The following MGA variants were observed in gnomAD, a reference collection of about 807,000 sequenced individuals.
MGA encodes the protein MAX dimerization protein MGA, also known as MAX gene-associated protein.
MGA carries 40 observed loss-of-function variants against 261.1 expected under a neutral mutation model. The observed-to-expected ratio is 0.15, with a 90% confidence interval of 0.12 to 0.20. MGA has a LOEUF of 0.20. MGA is among the 10% of genes least tolerant of loss of function. The pLI, the probability that MGA is intolerant of heterozygous loss-of-function variation, is 1.00. For missense variants in MGA, 3,397 were observed against 3,630.5 expected, an observed-to-expected ratio of 0.94 and a Z score of 1.65; for synonymous variants, 1,302 against 1,290.6, an observed-to-expected ratio of 1.01 and a Z score of -0.19.
chr15:41,762,374 A>G lies in MGA; in HGVS notation c.7744+12A>G, dbSNP rs1216275629. The G allele has an allele frequency of 6.2e-7, 1 of 1,601,182 alleles. No individual in the cohort carries two copies. Among genetic ancestry groups the G allele is most frequent in the East Asian group, 2.2e-5 (1 of 44,620 alleles). Reference sequence around the variant, plus strand: ...AGACCAGGCCACAGGTAGGAGGGACATTCTTCGCTTTCCTTAATGTAGATA... The same window carrying G: ...AGACCAGGCCACAGGTAGGAGGGACGTTCTTCGCTTTCCTTAATGTAGATA... On this transcript the variant is annotated intron_variant, in intron 22 of 23. Coordinates refer to ENST00000219905, the MANE Select transcript of MGA (RefSeq NM_001164273.2).
intron 12 of MGA, 72 bp from the exon 13 acceptor site, chr15:41,736,109 A>G: frequency 7.9e-7 from 1 of 1,265,180 alleles, no homozygotes; most frequent in South Asian, 1.7e-5. Flanking sequence ...TTTTTTTCAG[A>G]GTTTCATACA....
chr15:41,731,807 A>G (rs1216802332), intron 11 of MGA, among the ~76,000 whole-genome samples: 1 of 152,244 alleles, frequency 6.6e-6, no homozygotes, highest in Non-Finnish European at 1.5e-5. Flanking sequence ...GGGATTAGGC[A>G]TCTCTTAAAC....
At chr15:41,737,789 G>A (rs2061868427) in intron 13 of MGA, among the ~76,000 whole-genome samples, 1 of 151,734 alleles carries the variant, frequency 6.6e-6, no homozygotes, top group Non-Finnish European at 1.5e-5. Flanking sequence ...AGACTAGCCT[G>A]GCCGACATGG....
At chr15:41,665,834 T>C (rs1195945010) in intron 1 of MGA, among the ~76,000 whole-genome samples, 9 of 152,238 alleles carry the variant, frequency 5.9e-5, no homozygotes, top group Admixed American at 5.2e-4. Flanking sequence ...TTGCCTGTGT[T>C]GGACATCTCA....
chr15:41,736,601 G>A lies in MGA; in HGVS notation c.4337G>A (p.Gly1446Glu). The change falls in exon 13 of 24, where the codon GGA becomes GAA. Residue 1446 changes from glycine (G) to glutamate (E), a missense_variant. By Grantham distance (98) the Gly-to-Glu change is moderately conservative. Around this residue, in one of 9 missense-constraint regions of MGA, gnomAD observed 1,410 missense variants for 1,386.4 expected, o/e 1.02. Coordinates refer to ENST00000219905, the MANE Select transcript of MGA (RefSeq NM_001164273.2). Reference sequence around the variant, plus strand: ...GATTCAGTGAGGGAGAGATTACATGGAGGCAAAGGTCTGCCTTTTTATGCA... The same window carrying A: ...GATTCAGTGAGGGAGAGATTACATGAAGGCAAAGGTCTGCCTTTTTATGCA... The A allele has an allele frequency of 6.2e-7, 1 of 1,614,026 alleles. No homozygotes were observed. Among genetic ancestry groups the A allele is most frequent in the Non-Finnish European group, 8.5e-7 (1 of 1,179,896 alleles).
intron 19 of MGA, among the ~76,000 whole-genome samples, chr15:41,758,816 A>T (rs1415648432): frequency 1.3e-5 from 2 of 152,182 alleles, no homozygotes; most frequent in East Asian, 1.9e-4. Flanking sequence ...TTAAGCAAAC[A>T]GTGTCAGAAA....
chr15:41,707,735 A>G lies in MGA; in HGVS notation c.2196A>G (p.Leu732=). The stretch of plus-strand genomic sequence containing the variant: ...TTTCCTTTTTTCTTTTAGTGGGCTT[A>G]AAATTGAATTCAGTGGATCCAACAA... Residue 732 remains leucine (L), a synonymous_variant, in exon 6 of 24, where the codon TTA becomes TTG. Transcript: ENST00000219905. 18 of 1,603,302 alleles carry G rather than the reference A, an allele frequency of 1.1e-5. No homozygotes were observed. Among genetic ancestry groups the G allele is most frequent in the Non-Finnish European group, 1.4e-5 (17 of 1,176,526 alleles).
chr15:41,749,248 A>G lies in MGA; in HGVS notation c.5641A>G (p.Thr1881Ala), dbSNP rs1366097931. 1.2e-6 allele frequency: 2 copies of G among 1,613,852 alleles called. No homozygotes were observed. Among genetic ancestry groups the G allele is most frequent in the African/African-American group, 1.3e-5 (1 of 74,988 alleles). ...GTCTTCTTCAGCAGTGAATGTTATC[A>G]CTCAGGCACCATCATTGCTTTCCTC... Residue 1881 changes from threonine to alanine, a missense_variant, in exon 17 of 24, where the codon ACT becomes GCT. Thr to Ala is a moderately conservative substitution (Grantham distance 58). Around this residue, in one of 9 missense-constraint regions of MGA, gnomAD observed 1,410 missense variants for 1,386.4 expected, o/e 1.02. Transcript: ENST00000219905.
chr15:41,743,005 C>G lies in MGA; in HGVS notation c.5045C>G (p.Ser1682Cys), dbSNP rs755236338. The G allele has an allele frequency of 6.2e-7, 1 of 1,614,014 alleles. No individual in the cohort carries two copies. The highest frequency in any genetic ancestry group is 8.5e-7 in the Non-Finnish European group (1 of 1,179,892). ...GCTTTTCCTAAGTCTTTGGTAGCATCTCCTTCAACCATAACTCTTCCTGTT... is the reference window on the plus strand; with the variant it reads ...GCTTTTCCTAAGTCTTTGGTAGCATGTCCTTCAACCATAACTCTTCCTGTT... Residue 1682 changes from serine to cysteine, a missense_variant, in exon 15 of 24, where the codon TCT becomes TGT. Ser to Cys is a moderately radical substitution (Grantham distance 112, BLOSUM62 -1). Around this residue, in one of 9 missense-constraint regions of MGA, gnomAD observed 1,410 missense variants for 1,386.4 expected, o/e 1.02. Coordinates refer to ENST00000219905, the MANE Select transcript of MGA (RefSeq NM_001164273.2).
At chr15:41,730,795 A>G (rs938107613) in intron 11 of MGA, among the ~76,000 whole-genome samples, 2 of 152,236 alleles carry the variant, frequency 1.3e-5, no homozygotes, top group Non-Finnish European at 2.9e-5. Context: ...TAATATTCAA[A>G]GTAAATCCCT....
At chr15:41,671,868 GT>G (rs2058080554) in intron 2 of MGA, among the ~76,000 whole-genome samples, 1 of 152,126 alleles carries the variant, frequency 6.6e-6, no homozygotes, top group African/African-American at 2.4e-5. Context: ...GCAATGCATA[GT>G]TTTTTTGTCA....
At chr15:41,765,900 T>TA in intron 23 of MGA, 104 bp from the exon 24 acceptor site, 1 of 933,862 alleles carries the variant, frequency 1.1e-6, no homozygotes, top group Non-Finnish European at 1.6e-6. Context: ...GTGCTGAATT[T>TA]AGACTACAAA....
At chr15:41,626,557 G>A (rs1183814805) in intron 1 of MGA, among the ~76,000 whole-genome samples, 3 of 152,030 alleles carry the variant, frequency 2.0e-5, no homozygotes, top group Non-Finnish European at 4.4e-5. Context: ...TGAGTAGCTA[G>A]GATTACAGGC....
intron 13 of MGA, among the ~76,000 whole-genome samples, chr15:41,736,901 C>T (rs1171243198): frequency 2.0e-5 from 3 of 152,184 alleles, no homozygotes; most frequent in Admixed American, 1.3e-4. Flanking sequence ...TGAACAGAAA[C>T]GTAGAGCCTT....
intron 1 of MGA, among the ~76,000 whole-genome samples, chr15:41,653,361 T>TC (rs1343053222): frequency 7.1e-6 from 1 of 140,936 alleles, no homozygotes; most frequent in Non-Finnish European, 1.5e-5. Context: ...AGACCGAGAC[T>TC]CCATCTCAGA....
chr15:41,671,290 T>C (rs562876302), intron 2 of MGA, among the ~76,000 whole-genome samples: 1 of 152,338 alleles, frequency 6.6e-6, no homozygotes, highest in South Asian at 2.1e-4. Flanking sequence ...TGAATGATGC[T>C]GTTTTTTCTT....
In MGA at chr15:41,750,262, C is replaced by G; in HGVS notation, c.6655C>G (p.Gln2219Glu). The change falls in exon 17 of 24, where the codon CAA (glutamine) becomes GAA (glutamate). Residue 2219 changes from glutamine to glutamate, a missense_variant. Physicochemically the swap from Gln to Glu is conservative, Grantham distance 29 (BLOSUM62 2). Transcript: ENST00000219905. ...AAATTCAGATGTGTTTCAGCAAGAA[C>G]AAGGCATCTCTGACTTACTTGGAAA... 3.7e-6 allele frequency: 6 copies of G among 1,613,944 alleles called. No homozygotes were observed. Among genetic ancestry groups the G allele is most frequent in the Non-Finnish European group, 5.1e-6 (6 of 1,179,878 alleles).
chr15:41,713,090 A>G, intron 8 of MGA, 61 bp from the exon 9 acceptor site: 4 of 1,571,326 alleles, frequency 2.5e-6, no homozygotes, highest in Non-Finnish European at 3.4e-6. Context: ...ATATGACCAT[A>G]AGTTGGTGGT....
At chr15:41,652,313 C>T (rs1367168605) in intron 1 of MGA, among the ~76,000 whole-genome samples, 1 of 134,880 alleles carries the variant, frequency 7.4e-6, no homozygotes, top group Admixed American at 7.5e-5. Context: ...CCTCTGCCCT[C>T]CCCTCCCCTC....
Sources: allele counts gnomAD v4.1 joint callset (sites outside exome capture counted in the v4.1 genomes callset), GRCh38; gene constraint gnomAD v4.1.1; regional missense constraint gnomAD v4.1.1; transcripts MANE v1.5; gene names NCBI Gene and HGNC (gene_info 2026-07-23, HGNC 2026-07-21).